MYO1G: variants seen among roughly 807,000 people sequenced by gnomAD.
The protein encoded by MYO1G is myosin IG.
A neutral mutation model predicts 115.3 loss-of-function variants in MYO1G; 65 were observed. The ratio of observed to expected loss-of-function variants is 0.56; its 90% CI spans 0.46 to 0.69. The LOEUF is 0.69. MYO1G is among the 30% of genes least tolerant of loss of function. MYO1G has a pLI of 0.00. For missense variants in MYO1G, 1,204 were observed against 1,393.5 expected, an observed-to-expected ratio of 0.86 and a Z score of 2.16; for synonymous variants, 510 against 552.6, an observed-to-expected ratio of 0.92 and a Z score of 1.08.
chr7:44,967,340 A>G (rs995305448), intron 14 of MYO1G, among the ~76,000 whole-genome samples: 1 of 151,610 alleles, frequency 6.6e-6, no homozygotes, highest in African/African-American at 2.4e-5. Context: ...GTCTCCCCAA[A>G]CCCCTCCCTG....
At chr7:44,973,910 G>C (rs1183792044) in intron 5 of MYO1G, 2 of 149,948 alleles carry the variant, frequency 1.3e-5, no homozygotes, top group East Asian at 4.0e-4. Flanking sequence ...CTGTGGAGAC[G>C]CCCTCTGTGT....
chr7:44,965,928 C>G (rs1408540089), intron 16 of MYO1G, 68 bp from the exon 17 acceptor site: 4 of 1,558,040 alleles, frequency 2.6e-6, no homozygotes, highest in Non-Finnish European at 3.5e-6. Flanking sequence ...AGACCCAAAC[C>G]TGGCCCTGAG....
intron 12 of MYO1G, 39 bp from the exon 13 acceptor site, chr7:44,967,997 G>T (rs1157892627): frequency 6.3e-7 from 1 of 1,583,140 alleles, no homozygotes; most frequent in Admixed American, 1.7e-5. Flanking sequence ...CAGGGGCGGG[G>T]GCTGCCAGGC....
chr7:44,966,834 G>A lies in MYO1G; in HGVS notation c.1787C>T (p.Pro596Leu), dbSNP rs764599025. 2 of 1,604,962 alleles carry A rather than the reference G, an allele frequency of 1.2e-6. No homozygotes were observed. Among genetic ancestry groups the A allele is most frequent in the Non-Finnish European group, 8.5e-7 (1 of 1,174,584 alleles). Reference protein sequence around the residue: ...ALVENLASKEPFYVRCIKPNE... With the variant: ...ALVENLASKELFYVRCIKPNE... Reference sequence around the variant, plus strand: ...GGGCTTGATGCAGCGGACGTAGAAGGGCTCCTGCAGGGACAGAGGGGACTT... The same window carrying A: ...GGGCTTGATGCAGCGGACGTAGAAGAGCTCCTGCAGGGACAGAGGGGACTT... Residue 596 changes from proline to leucine, a missense_variant, in exon 15 of 22, where the codon CCC becomes CTC. Coordinates refer to ENST00000258787, the MANE Select transcript of MYO1G (RefSeq NM_033054.3). The surrounding 1 kb of genome is among the most constrained non-coding windows in gnomAD (Gnocchi z 5.0).
rs1314635518 is a variant in MYO1G, at chr7:44,964,721, G to A, written c.2527-202C>T. ...GTGTTGACTTCTAGGCTGCATCTGA[G>A]CCTGGCCCTCCTGTCATCCACACCC... is the stretch of plus-strand genomic sequence containing the variant. On this transcript the variant is annotated intron_variant, in intron 18 of 21. Transcript: ENST00000258787. This position sits in a 1 kb window ranked among gnomAD's most constrained non-coding sequence, Gnocchi z 5.1. Among the ~76,000 whole-genome samples, 1 of 152,140 alleles carries A rather than the reference G, an allele frequency of 6.6e-6. No individual in the cohort carries two copies. The highest frequency in any genetic ancestry group is 2.4e-5 in the African/African-American group (1 of 41,444).
intron 5 of MYO1G, chr7:44,973,359 G>C (rs7803335): frequency 0.53 from 80,155 of 152,064 alleles, 21,783 homozygotes; most frequent in East Asian, 0.78. Flanking sequence ...CCCTGTCCCA[G>C]GGGGCTCTTA....
In MYO1G at chr7:44,964,853, G is replaced by A. The variant is rs1484822589; in HGVS notation, c.2526+92C>T. ...ACAGACAACCCCAGGCCTGGGAGAG[G>A]ACATCTGAGGGGACCTGGTCACAGC... is the stretch of plus-strand genomic sequence containing the variant. On this transcript the variant is annotated intron_variant, in intron 18 of 21. Coordinates refer to ENST00000258787, the MANE Select transcript of MYO1G (RefSeq NM_033054.3). The surrounding 1 kb of genome is among the most constrained non-coding windows in gnomAD (Gnocchi z 5.1). The A allele has an allele frequency of 2.7e-6, 4 of 1,504,678 alleles. No individual in the cohort carries two copies. The East Asian group carries it at 9.1e-5, about 34-fold the overall frequency. The allele number at this position is 1,504,678 out of a possible 1,614,324, so 93.2% of individuals were successfully genotyped here. A position where few individuals can be genotyped will look rare whatever the true frequency, so the allele number is the denominator to read the frequency against.
rs1794908558 is a variant in MYO1G at position 44,969,345 on chromosome 7, C to T, written c.1574+68G>A. ...CTCCGAGCCACTCCCCTGAAGCGCT[C>T]CTGCCCCATGACACATGCCATGGTG... is the stretch of plus-strand genomic sequence containing the variant. On this transcript the variant is annotated intron_variant, in intron 12 of 21. Coordinates refer to ENST00000258787, the MANE Select transcript of MYO1G (RefSeq NM_033054.3). This position sits in a 1 kb window ranked among gnomAD's most constrained non-coding sequence, Gnocchi z 5.0. 9 of 1,553,088 alleles carry T rather than the reference C, an allele frequency of 5.8e-6. No individual in the cohort carries two copies. Among genetic ancestry groups the T allele is most frequent in the Non-Finnish European group, 8.0e-6 (9 of 1,125,456 alleles).
chr7:44,966,460 C>T lies in MYO1G; in HGVS notation c.1950-180G>A, dbSNP rs765514650. 19 of 806,658 alleles carry T rather than the reference C, an allele frequency of 2.4e-5. No homozygotes were observed. In the Admixed American group the frequency reaches 2.4e-4, roughly 10 times the overall value. The allele number at this position is 806,658 out of a possible 1,614,324, so 50.0% of individuals were successfully genotyped here. ...TCCTCACATACATGTCCTCACACAG[C>T]CCTCATACCCATGTTCCCACCTGTA... On this transcript the variant is annotated intron_variant, in intron 15 of 21. Coordinates refer to ENST00000258787, the MANE Select transcript of MYO1G (RefSeq NM_033054.3). The surrounding 1 kb of genome is among the most constrained non-coding windows in gnomAD (Gnocchi z 5.0).
intron 5 of MYO1G, chr7:44,974,455 T>A (rs545794918): frequency 1.8e-4 from 27 of 152,144 alleles, no homozygotes; most frequent in African/African-American, 6.3e-4. Context: ...ACTGGGGAGC[T>A]GAGAGTTGGT....
Position 44,969,351 on chromosome 7 carries a change from C to G in MYO1G, c.1574+62G>C. On this transcript the variant is annotated intron_variant, in intron 12 of 21. Transcript: ENST00000258787. The surrounding 1 kb of genome is among the most constrained non-coding windows in gnomAD (Gnocchi z 5.0). ...GCCACTCCCCTGAAGCGCTCCTGCCCCATGACACATGCCATGGTGCCTGTG... is the reference window on the plus strand; with the variant it reads ...GCCACTCCCCTGAAGCGCTCCTGCCGCATGACACATGCCATGGTGCCTGTG... 6.4e-7 allele frequency: 1 copy of G among 1,574,018 alleles called. No homozygotes were observed. Among genetic ancestry groups the G allele is most frequent in the Non-Finnish European group, 8.7e-7 (1 of 1,144,330 alleles).
chr7:44,976,101 C>G (rs1441831550), intron 3 of MYO1G, among the ~76,000 whole-genome samples: 1 of 152,218 alleles, frequency 6.6e-6, no homozygotes, highest in Non-Finnish European at 1.5e-5. Flanking sequence ...GAGACAGGCA[C>G]TGACAGAGGA....
intron 1 of MYO1G, 77 bp downstream of exon 1, chr7:44,978,790 T>C: frequency 7.1e-7 from 1 of 1,405,912 alleles, no homozygotes; most frequent in Non-Finnish European, 1.0e-6. Context: ...GCCTTCCTCT[T>C]TCCCTCAGGT....
At position 44,964,414 on chromosome 7, in the gene MYO1G, C is replaced by T. The variant is rs1462243631; in HGVS notation, c.2631+1G>A. 1 of 1,612,656 alleles carries T rather than the reference C, an allele frequency of 6.2e-7. No homozygotes were observed. The highest frequency in any genetic ancestry group is 1.7e-5 in the Admixed American group (1 of 60,014). The stretch of plus-strand genomic sequence containing the variant: ...GAAGCCATCCTTGTCCCTTGTCTAA[C>T]CTTGCGGACATGGCTTGAAAAGAGC... On this transcript the variant is annotated splice_donor_variant, in intron 19 of 21. Transcript: ENST00000258787. LOFTEE classifies it high-confidence loss of function. This position sits in a 1 kb window ranked among gnomAD's most constrained non-coding sequence, Gnocchi z 5.1.
intron 17 of MYO1G, 36 bp from the exon 18 acceptor site, chr7:44,965,125 A>T (rs200337816): frequency 2.5e-6 from 4 of 1,579,360 alleles, no homozygotes; most frequent in Non-Finnish European, 3.5e-6. Context: ...GATGCTGGCC[A>T]TGTGTTCATG....
chr7:44,977,526 C>T (rs1795078756), intron 1 of MYO1G, among the ~76,000 whole-genome samples: 2 of 152,140 alleles, frequency 1.3e-5, no homozygotes, highest in South Asian at 4.1e-4. Context: ...GGGCGGGAAC[C>T]CAGAGACAAA....
chr7:44,972,386 G>A (rs1211123785), intron 5 of MYO1G, 161 bp from the exon 6 acceptor site: 2 of 614,806 alleles, frequency 3.3e-6, no homozygotes, highest in African/African-American at 1.8e-5. Flanking sequence ...GTGCCAGCAA[G>A]CTCCCCATTC....
chr7:44,975,100 C>A, intron 5 of MYO1G, 74 bp downstream of exon 5: 1 of 1,486,988 alleles, frequency 6.7e-7, no homozygotes, highest in South Asian at 1.1e-5. Context: ...ATGGAAGGGT[C>A]ACAAGCTGGT....
chr7:44,971,159 C>G (rs147311739), intron 7 of MYO1G, 100 bp from the exon 8 acceptor site: 1 of 1,014,712 alleles, frequency 9.9e-7, no homozygotes, highest in East Asian at 2.6e-5. Context: ...GACATGGATG[C>G]GGTAGAGTAC....
Sources: gnomAD v4.1 joint callset for allele counts (sites outside exome capture counted in the v4.1 genomes callset) on GRCh38, gnomAD v4.1.1 for gene constraint, Gnocchi (gnomAD v3.1) non-coding constraint, MANE v1.5 for transcripts, NCBI Gene and HGNC (gene_info 2026-07-23, HGNC 2026-07-21) for gene names.